DNAH9: variants seen among roughly 807,000 people sequenced by gnomAD.
DNAH9 encodes dynein axonemal heavy chain 9, also known as DNAH9 variant protein.
In DNAH9, 345 loss-of-function variants were observed where a neutral mutation model predicts 471.6. That is an observed-to-expected ratio of 0.73 (90% CI 0.67 to 0.80). The LOEUF is 0.80. Ranked by LOEUF, DNAH9 falls within the 30% of genes least tolerant of loss-of-function variation. The probability of loss-of-function intolerance (pLI) is 0.00; values close to 1 mark genes in which losing one functional copy is unlikely to be tolerated. For missense variants in DNAH9, 5,407 were observed against 5,609.2 expected (o/e 0.96, Z 1.15); for synonymous variants, 2,093 against 2,123.6 (o/e 0.99, Z 0.40).
intron 61 of DNAH9, among the ~76,000 whole-genome samples, chr17:11,922,421 T>G (rs1241175974): frequency 1.3e-5 from 2 of 152,224 alleles, no homozygotes; most frequent in African/African-American, 4.8e-5. Context: ...GATCCTTTTA[T>G]CTAAAGAATA....
Position 11,783,705 on chromosome 17 carries a change from T to G in DNAH9, c.7778T>G (p.Met2593Arg), listed in dbSNP as rs140972669. 14 of 1,614,046 alleles carry G rather than the reference T, an allele frequency of 8.7e-6. No individual in the cohort carries two copies. In the African/African-American group the frequency reaches 1.9e-4, roughly 22 times the overall value. ...EITNVQYVSCMNPTAGSFTIN... is the reference protein window; with the variant it reads ...EITNVQYVSCRNPTAGSFTIN... The stretch of plus-strand genomic sequence containing the variant: ...ACAAATGTACAGTATGTTTCCTGTA[T>G]GAACCCCACGGCAGGCAGCTTCACC... The change falls in exon 40 of 69, where the codon ATG becomes AGG. Residue 2593 changes from methionine (M) to arginine (R), a missense_variant. Met to Arg is a moderately conservative substitution (Grantham distance 91). Transcript: ENST00000262442.
intron 50 of DNAH9, among the ~76,000 whole-genome samples, chr17:11,860,655 G>A (rs12451472): frequency 0.45 from 67,931 of 151,776 alleles, 15,697 homozygotes; most frequent in Admixed American, 0.58. Flanking sequence ...TCTGCCTCCC[G>A]GGTTCAAGCG....
chr17:11,679,760 G>A lies in DNAH9; in HGVS notation c.3357G>A (p.Leu1119=). 6.2e-7 allele frequency: 1 copy of A among 1,611,730 alleles called. No individual in the cohort carries two copies. Among genetic ancestry groups the A allele is most frequent in the Non-Finnish European group, 8.5e-7 (1 of 1,177,916 alleles). The change falls in exon 18 of 69, where the codon TTG becomes TTA. Residue 1119 remains leucine, a synonymous_variant. Coordinates refer to ENST00000262442, the MANE Select transcript of DNAH9 (RefSeq NM_001372.4). ...ATGTTCTGTTTGTGTTGATTAGCTT[G>A]GCCAACCTGGATGCGTTTATAAAGA... The part of the protein sequence containing the change: ...QHLVDHVTHS[L]ANLDAFIKKS...
In DNAH9 at chr17:11,869,187, A is replaced by T. The variant is rs1459851800; in HGVS notation, c.9987A>T (p.Ala3329=). The change falls in exon 51 of 69, where the codon GCA becomes GCT. Residue 3329 remains alanine (A), a synonymous_variant. Coordinates refer to ENST00000262442, the MANE Select transcript of DNAH9 (RefSeq NM_001372.4). The stretch of plus-strand genomic sequence containing the variant: ...CAGCCAGGTTTGAGAAAGCAACAGC[A>T]GACAAACTCAAATGTCAGCAAGAAG... ...KLTARFEKAT[A]DKLKCQQEAE... The T allele has an allele frequency of 6.2e-7, 1 of 1,613,862 alleles. No homozygotes were observed. Among genetic ancestry groups the T allele is most frequent in the Non-Finnish European group, 8.5e-7 (1 of 1,179,828 alleles).
intron 48 of DNAH9, among the ~76,000 whole-genome samples, chr17:11,827,358 G>A (rs1970533181): frequency 2.0e-5 from 3 of 152,164 alleles, no homozygotes; most frequent in Admixed American, 2.0e-4. Context: ...CATGGCTTCT[G>A]GGAAAGCCTC....
chr17:11,642,102 A>G (rs2073285516), intron 10 of DNAH9, among the ~76,000 whole-genome samples: 1 of 152,046 alleles, frequency 6.6e-6, no homozygotes, highest in Non-Finnish European at 1.5e-5. Flanking sequence ...TCCTGGCTGG[A>G]GGGGACAGGG....
intron 29 of DNAH9, 136 bp downstream of exon 29, chr17:11,739,173 T>C: frequency 1.2e-6 from 1 of 836,504 alleles, no homozygotes; most frequent in Non-Finnish European, 1.8e-6. Flanking sequence ...CCTTCTTTAA[T>C]GTCTTTAATG....
chr17:11,742,089 T>G (rs1284331194), intron 29 of DNAH9, 86 bp from the exon 30 acceptor site: 1 of 1,267,458 alleles, frequency 7.9e-7, no homozygotes, highest in East Asian at 2.4e-5. Flanking sequence ...CCATGTGTGA[T>G]CTCGGCCAGT....
chr17:11,851,541 C>T (rs925281513), intron 49 of DNAH9, among the ~76,000 whole-genome samples: 1 of 152,144 alleles, frequency 6.6e-6, no homozygotes, highest in East Asian at 1.9e-4. Flanking sequence ...AAGGTGATCA[C>T]AGCTACAGCC....
At chr17:11,929,389 G>C (rs1244438308) in intron 62 of DNAH9, among the ~76,000 whole-genome samples, 1 of 152,138 alleles carries the variant, frequency 6.6e-6, no homozygotes, top group Non-Finnish European at 1.5e-5. Flanking sequence ...TCACCAGGGA[G>C]CTTGTTAGAA....
chr17:11,741,373 A>G (rs370508640), intron 29 of DNAH9, among the ~76,000 whole-genome samples: 2 of 152,348 alleles, frequency 1.3e-5, no homozygotes, highest in African/African-American at 4.8e-5. Context: ...AGATAGGGTT[A>G]ATAAGTATTA....
intron 35 of DNAH9, 88 bp from the exon 36 acceptor site, chr17:11,763,352 G>A: frequency 8.3e-7 from 1 of 1,203,366 alleles, no homozygotes; most frequent in Non-Finnish European, 1.2e-6. Flanking sequence ...TGAGTCCACT[G>A]AAACTGAGTG....
intron 20 of DNAH9, 119 bp from the exon 21 acceptor site, chr17:11,693,749 G>A: frequency 9.4e-7 from 1 of 1,067,002 alleles, no homozygotes; most frequent in East Asian, 2.4e-5. Context: ...CCTTCGTTGA[G>A]TCTATTCTCT....
At position 11,747,613 on chromosome 17, in the gene DNAH9, G is replaced by T. The variant is rs542367185; in HGVS notation, c.6457G>T (p.Ala2153Ser). The T allele has an allele frequency of 3.7e-6, 6 of 1,614,052 alleles. No individual in the cohort carries two copies. The highest frequency in any genetic ancestry group is 3.4e-6 in the Non-Finnish European group (4 of 1,180,016). The change falls in exon 32 of 69, where the codon GCT becomes TCT. Residue 2153 changes from alanine (A) to serine (S), a missense_variant. By Grantham distance (99) the Ala-to-Ser change is moderately conservative. Transcript: ENST00000262442. Reference protein sequence around the residue: ...VRHSVFVVGGAGTGKSQVLRS... With the variant: ...VRHSVFVVGGSGTGKSQVLRS... ...GCACTCTGTATTTGTGGTGGGTGGC[G>T]CTGGTACCGGCAAGTCACAGGTGCT...
intron 39 of DNAH9, among the ~76,000 whole-genome samples, chr17:11,782,801 G>T (rs1242652571): frequency 6.6e-6 from 1 of 152,308 alleles, no homozygotes; most frequent in East Asian, 1.9e-4. Flanking sequence ...GGAGGCTGAG[G>T]CAGGAGAATG....
At position 11,729,221 on chromosome 17, in the gene DNAH9, C is replaced by A. The variant is rs180928442; in HGVS notation, c.5814+1299C>A. Among the ~76,000 whole-genome samples, 602 of 152,222 alleles carry A rather than the reference C, an allele frequency of 4.0e-3. 3 individuals carry two copies. Among genetic ancestry groups the A allele is most frequent in the African/African-American group, 0.013 (560 of 41,548 alleles). On this transcript the variant is annotated intron_variant, in intron 28 of 68. Transcript: ENST00000262442. ...TGCAGCTGCACAGGCTCCATTCCCC[C>A]CAGGAACCCCATCTCCAAGATAAAG...
chr17:11,656,872 CTT>C (rs2073661197), intron 14 of DNAH9, among the ~76,000 whole-genome samples: 1 of 152,084 alleles, frequency 6.6e-6, no homozygotes, highest in Non-Finnish European at 1.5e-5. Flanking sequence ...CTTTTTAAAA[CTT>C]AGCCTAGTGT....
intron 54 of DNAH9, 22 bp downstream of exon 54, chr17:11,880,222 G>T: frequency 6.2e-7 from 1 of 1,611,046 alleles, no homozygotes; most frequent in South Asian, 1.1e-5. Context: ...CTGTGTTGCT[G>T]ACCCTTCGGG....
At chr17:11,964,168 C>T (rs1976491157) in intron 68 of DNAH9, among the ~76,000 whole-genome samples, 1 of 152,152 alleles carries the variant, frequency 6.6e-6, no homozygotes, top group African/African-American at 2.4e-5. Flanking sequence ...TTTAGAAAGC[C>T]TGAATCTTGA....
Sources: gnomAD v4.1 joint callset for allele counts (sites outside exome capture counted in the v4.1 genomes callset) on GRCh38, gnomAD v4.1.1 for gene constraint, MANE v1.5 for transcripts, NCBI Gene and HGNC (gene_info 2026-07-23, HGNC 2026-07-21) for gene names.